Variants in LRTM1 observed in about 807,000 individuals in gnomAD.
LRTM1 encodes the protein leucine rich repeat transmembrane protein 1.
A neutral mutation model predicts 32.4 loss-of-function variants in LRTM1; 38 were observed. The ratio of observed to expected loss-of-function variants is 1.17; its 90% CI spans 0.91 to 1.54. LRTM1 has a LOEUF of 1.54. LRTM1 is among the 40% of genes most tolerant of loss of function. The probability of loss-of-function intolerance (pLI) is 0.00; values close to 1 mark genes in which losing one functional copy is unlikely to be tolerated. For synonymous variants in LRTM1, 186 were observed against 169.9 expected, an observed-to-expected ratio of 1.09 and a Z score of -0.74; for missense variants, 466 against 415.4, an observed-to-expected ratio of 1.12 and a Z score of -1.06.
intron 1 of LRTM1, among the ~76,000 whole-genome samples, chr3:54,942,187 C>T (rs531960425): frequency 2.0e-4 from 31 of 152,300 alleles, no homozygotes; most frequent in African/African-American, 6.3e-4. Context: ...GTGATACAAC[C>T]GTGTATCTCT....
At chr3:54,944,154 C>T (rs1701549434) in intron 1 of LRTM1, among the ~76,000 whole-genome samples, 2 of 151,670 alleles carry the variant, frequency 1.3e-5, no homozygotes, top group Non-Finnish European at 2.9e-5. Context: ...CAGCCTCCAC[C>T]CTAGAAGCTT....
chr3:54,942,194 C>G (rs551880316), intron 1 of LRTM1, among the ~76,000 whole-genome samples: 1 of 152,314 alleles, frequency 6.6e-6, no homozygotes, highest in African/African-American at 2.4e-5. Context: ...AACCGTGTAT[C>G]TCTGCCCAGG....
chr3:54,950,909 A>G (rs1413929728), intron 1 of LRTM1, among the ~76,000 whole-genome samples: 4 of 152,210 alleles, frequency 2.6e-5, no homozygotes. Flanking sequence ...GTGAGAGGGA[A>G]AATAAAGAGG....
intron 2 of LRTM1, 75 bp downstream of exon 2, chr3:54,924,544 T>TC (rs1700954327): frequency 3.3e-6 from 4 of 1,224,904 alleles, no homozygotes; most frequent in Non-Finnish European, 4.7e-6. Flanking sequence ...ACATTCTTTC[T>TC]AATGCAGAGA....
At chr3:54,951,840 C>G (rs1701765222) in intron 1 of LRTM1, among the ~76,000 whole-genome samples, 1 of 152,158 alleles carries the variant, frequency 6.6e-6, no homozygotes, top group Admixed American at 6.5e-5. Context: ...TTAGGACCAG[C>G]CATGCTTGTT....
chr3:54,952,633 T>G (rs1378261253), intron 1 of LRTM1, among the ~76,000 whole-genome samples: 1 of 152,198 alleles, frequency 6.6e-6, no homozygotes, highest in Non-Finnish European at 1.5e-5. Flanking sequence ...ATTATAGTTA[T>G]TTATTTTCTG....
At position 54,918,659 on chromosome 3, in the gene LRTM1, C is replaced by T. The variant is rs1032519205; in HGVS notation, c.838G>A (p.Ala280Thr). The change falls in exon 3 of 3, where the codon GCC (alanine) becomes ACC (threonine). Residue 280 changes from alanine (A) to threonine (T), a missense_variant. Transcript: ENST00000273286. ...ECELKPKPRP[A>T]NLRHAIATVI... is the part of the protein sequence containing the mutation. ...GTGGCAATGGCATGACGCAGGTTGG[C>T]CGGCCTTGGCTTGGGTTTGAGCTCG... 6.2e-7 allele frequency: 1 copy of T among 1,614,064 alleles called. No individual in the cohort carries two copies. Among genetic ancestry groups the T allele is most frequent in the Non-Finnish European group, 8.5e-7 (1 of 1,180,050 alleles).
chr3:54,962,473 A>G (rs1702052870), intron 1 of LRTM1, among the ~76,000 whole-genome samples: 1 of 152,220 alleles, frequency 6.6e-6, no homozygotes, highest in Non-Finnish European at 1.5e-5. Flanking sequence ...GGAGCAAGTC[A>G]TAACATGAAT....
intron 1 of LRTM1, among the ~76,000 whole-genome samples, chr3:54,934,963 C>G (rs1331781150): frequency 6.6e-6 from 1 of 152,200 alleles, no homozygotes; most frequent in Non-Finnish European, 1.5e-5. Context: ...GTCTCGAACT[C>G]CTGACCTCAA....
chr3:54,931,651 C>T (rs190447840), upstream of LRTM1, among the ~76,000 whole-genome samples: 46 of 152,322 alleles, frequency 3.0e-4, no homozygotes, highest in Admixed American at 2.9e-3. Context: ...GCTGCAGATG[C>T]ACCCGTAGAG....
At chr3:54,949,128 C>T (rs1013814909) in intron 1 of LRTM1, among the ~76,000 whole-genome samples, 5 of 152,118 alleles carry the variant, frequency 3.3e-5, no homozygotes, top group Admixed American at 2.0e-4. Context: ...GGAAAGAAAC[C>T]CCCTCTTTCC....
At chr3:54,921,923 A>G (rs1167862986) in intron 2 of LRTM1, among the ~76,000 whole-genome samples, 3 of 148,930 alleles carry the variant, frequency 2.0e-5, no homozygotes, top group Non-Finnish European at 4.6e-5. Context: ...TTTTTTTAAA[A>G]GAAGATCTTG....
intron 1 of LRTM1, among the ~76,000 whole-genome samples, chr3:54,938,392 A>G (rs1222847192): frequency 6.6e-6 from 1 of 152,236 alleles, no homozygotes; most frequent in Non-Finnish European, 1.5e-5. Context: ...CCATGGCCTC[A>G]GAATCCTTTC....
At chr3:54,926,336 T>A (rs1251232373) in intron 1 of LRTM1, among the ~76,000 whole-genome samples, 1 of 152,180 alleles carries the variant, frequency 6.6e-6, no homozygotes, top group Non-Finnish European at 1.5e-5. Flanking sequence ...ACAGAAAAGC[T>A]GAATCACTTG....
At chr3:54,965,363 G>A (rs1702124900) in intron 1 of LRTM1, among the ~76,000 whole-genome samples, 1 of 152,068 alleles carries the variant, frequency 6.6e-6, no homozygotes, top group Non-Finnish European at 1.5e-5. Flanking sequence ...CTTTAAAAAG[G>A]TTCTCTCCCT....
At chr3:54,950,947 G>A (rs2107015033) in intron 1 of LRTM1, among the ~76,000 whole-genome samples, 1 of 152,298 alleles carries the variant, frequency 6.6e-6, no homozygotes, top group African/African-American at 2.4e-5. Context: ...TGGCAGAGGG[G>A]AAACTGAAGC....
At chr3:54,961,514 A>C (rs1000194215) in intron 1 of LRTM1, among the ~76,000 whole-genome samples, 8 of 152,214 alleles carry the variant, frequency 5.3e-5, no homozygotes, top group African/African-American at 1.9e-4. Flanking sequence ...TTAGGAGAAA[A>C]TCTTCTGTTT....
At chr3:54,935,685 A>G (rs1701310553) in intron 1 of LRTM1, among the ~76,000 whole-genome samples, 1 of 152,286 alleles carries the variant, frequency 6.6e-6, no homozygotes, top group South Asian at 2.1e-4. Context: ...TTGCTTTTGT[A>G]CTTTTACTAT....
upstream of LRTM1, among the ~76,000 whole-genome samples, chr3:54,931,226 AT>A (rs1375140076): frequency 3.3e-5 from 5 of 152,310 alleles, no homozygotes; most frequent in Non-Finnish European, 2.9e-5. Flanking sequence ...CCCAGAGCTA[AT>A]GGGTTCCTGG....
Sources: allele counts gnomAD v4.1 joint callset (sites outside exome capture counted in the v4.1 genomes callset), GRCh38; gene constraint gnomAD v4.1.1; transcripts MANE v1.5; gene names NCBI Gene and HGNC (gene_info 2026-07-23, HGNC 2026-07-21).